CIB3: variants seen among roughly 807,000 people sequenced by gnomAD.
CIB3 encodes the protein calcium and integrin-binding family member 3.
Under a neutral mutation model 23.4 loss-of-function variants are expected in CIB3, and 22 were observed. The observed-to-expected ratio is 0.94, with a 90% confidence interval of 0.67 to 1.34. The LOEUF is 1.34. Among genes scored for constraint, CIB3 ranks in the 40% most tolerant of loss-of-function variants. The probability of loss-of-function intolerance (pLI) is 0.00; values close to 1 mark genes in which losing one functional copy is unlikely to be tolerated. For missense variants in CIB3, 258 were observed against 247.3 expected, an observed-to-expected ratio of 1.04 and a Z score of -0.29; for synonymous variants, 93 against 95.8, an observed-to-expected ratio of 0.97 and a Z score of 0.17.
intron 4 of CIB3, among the ~76,000 whole-genome samples, chr19:16,165,537 G>C (rs2091302780): frequency 6.6e-6 from 1 of 151,728 alleles, no homozygotes; most frequent in Non-Finnish European, 1.5e-5. Context: ...TCCACCTCCT[G>C]GGTTCAAGTG....
At chr19:16,163,132 C>T (rs2091292082) in intron 5 of CIB3, among the ~76,000 whole-genome samples, 2 of 152,090 alleles carry the variant, frequency 1.3e-5, no homozygotes, top group Non-Finnish European at 2.9e-5. Flanking sequence ...CCACTGCGCT[C>T]GGCCCCGTAG....
At position 16,161,486 on chromosome 19, in the gene CIB3, G is replaced by T. The variant is rs555397191; in HGVS notation, c.543C>A (p.Ser181Arg). 1 of 1,613,798 alleles carries T rather than the reference G, an allele frequency of 6.2e-7. No homozygotes were observed. The highest frequency in any genetic ancestry group is 1.7e-5 in the Admixed American group (1 of 59,954). ...GCCATCAGATTCGGATGTGGAAGGT[G>T]CTGTGTGCAGAGAGAAAAGGAGTCA... ...NMILRAPDFL[S>R]TFHIRI Residue 181 changes from serine (S) to arginine (R), a missense_variant and splice_region_variant, in exon 6 of 6, where the codon AGC becomes AGA. By Grantham distance (110) the Ser-to-Arg change is moderately radical (BLOSUM62 -1). Coordinates refer to ENST00000269878, the MANE Select transcript of CIB3 (RefSeq NM_054113.4).
At chr19:16,168,713 A>G (rs753221974) in intron 3 of CIB3, among the ~76,000 whole-genome samples, 7 of 152,190 alleles carry the variant, frequency 4.6e-5, no homozygotes, top group Non-Finnish European at 7.4e-5. Flanking sequence ...CAGCCTCAAG[A>G]GGTGAGGCTG....
intron 2 of CIB3, among the ~76,000 whole-genome samples, chr19:16,170,352 T>TA (rs1248880943): frequency 6.6e-6 from 1 of 151,900 alleles, no homozygotes; most frequent in Non-Finnish European, 1.5e-5. Flanking sequence ...GAAGCATGAG[T>TA]AGGAGCTTCT....
intron 3 of CIB3, 32 bp from the exon 4 acceptor site, chr19:16,168,316 C>T: frequency 6.2e-7 from 1 of 1,611,696 alleles, no homozygotes; most frequent in Non-Finnish European, 8.5e-7. Context: ...GGAGGCCATC[C>T]TCTGACCCCC....
chr19:16,163,555 A>AAAAC (rs951819792), intron 5 of CIB3, among the ~76,000 whole-genome samples: 5 of 152,190 alleles, frequency 3.3e-5, no homozygotes, highest in South Asian at 2.1e-4. Flanking sequence ...ACTCCGTCTC[A>AAAAC]AAACAAACAA....
intron 4 of CIB3, among the ~76,000 whole-genome samples, chr19:16,166,353 C>G (rs749772666): frequency 1.3e-5 from 2 of 152,168 alleles, no homozygotes; most frequent in Non-Finnish European, 2.9e-5. Context: ...AACACTGTGA[C>G]AGCTCTTTCA....
Position 16,169,641 on chromosome 19 carries a change from G to A in CIB3, c.187C>T (p.Pro63Ser), listed in dbSNP as rs1344270780. 1 of 1,613,136 alleles carries A rather than the reference G, an allele frequency of 6.2e-7. No homozygotes were observed. The highest frequency in any genetic ancestry group is 8.5e-7 in the Non-Finnish European group (1 of 1,179,422). ...TGGCCTGGGCATACCTTCAGCTCGG[G>A]CATGCTGCCAATGAGCTCGTAGGGC... ...KVPYELIGSMPELKDNPFRQR... is the reference protein window; with the variant it reads ...KVPYELIGSMSELKDNPFRQR... The change falls in exon 3 of 6, where the codon CCC (proline) becomes TCC (serine). Residue 63 changes from proline (P) to serine (S), a missense_variant. Pro to Ser is a moderately conservative substitution (Grantham distance 74, BLOSUM62 -1). Transcript: ENST00000269878.
chr19:16,166,771 A>C (rs1568337360), intron 4 of CIB3, among the ~76,000 whole-genome samples: 1 of 152,138 alleles, frequency 6.6e-6, no homozygotes, highest in Admixed American at 6.6e-5. Context: ...ACTATTTTTC[A>C]TGTACTCACT....
intron 2 of CIB3, among the ~76,000 whole-genome samples, chr19:16,170,490 T>C (rs2145085117): frequency 6.6e-6 from 1 of 152,296 alleles, no homozygotes; most frequent in African/African-American, 2.4e-5. Flanking sequence ...CCTCCAAAGA[T>C]ACCTTCACTT....
At chr19:16,173,021 AG>A in intron 2 of CIB3, 140 bp downstream of exon 2, 2 of 1,127,228 alleles carry the variant, frequency 1.8e-6, no homozygotes, top group African/African-American at 1.7e-5. Context: ...GAAAAGAGAA[AG>A]AAAGAAAGAA....
chr19:16,168,322 C>T, intron 3 of CIB3, 38 bp from the exon 4 acceptor site: 2 of 1,609,878 alleles, frequency 1.2e-6, no homozygotes, highest in Non-Finnish European at 1.7e-6. Flanking sequence ...CATCCTCTGA[C>T]CCCCAAGGTC....
Position 16,173,240 on chromosome 19 carries a change from G to A in CIB3, c.52-44C>T, listed in dbSNP as rs762708629. The A allele has an allele frequency of 3.7e-6, 6 of 1,613,458 alleles. No individual in the cohort carries two copies. In the Admixed American group the frequency reaches 1.0e-4, roughly 27 times the overall value. ...TCTTAACCCGAACCCTGCCTCTGGG[G>A]CCTCCTCCCACGGCCTCCTCCCTCC... On this transcript the variant is annotated intron_variant, in intron 1 of 5. Transcript: ENST00000269878.
chr19:16,166,906 C>G (rs1312790955), intron 4 of CIB3, among the ~76,000 whole-genome samples: 1 of 151,658 alleles, frequency 6.6e-6, no homozygotes, highest in East Asian at 1.9e-4. Flanking sequence ...ATGGTGAAAC[C>G]CCATCTTTAC....
chr19:16,161,751 C>A (rs1175675024), intron 5 of CIB3, among the ~76,000 whole-genome samples: 2 of 135,304 alleles, frequency 1.5e-5, no homozygotes, highest in South Asian at 4.7e-4. Flanking sequence ...GATCTTGGCT[C>A]ACTGCAACCT....
chr19:16,161,988 T>C (rs1037343505), intron 5 of CIB3, among the ~76,000 whole-genome samples: 6 of 151,878 alleles, frequency 4.0e-5, no homozygotes, highest in African/African-American at 1.5e-4. Context: ...TCCTGCCATA[T>C]GATATAAAGT....
intron 4 of CIB3, among the ~76,000 whole-genome samples, chr19:16,165,146 AC>A (rs1419761170): frequency 6.6e-6 from 1 of 151,722 alleles, no homozygotes. Flanking sequence ...ATACAAAAAT[AC>A]CCAGGTGTGG....
chr19:16,162,964 A>G (rs2091291125), intron 5 of CIB3, among the ~76,000 whole-genome samples: 2 of 142,088 alleles, frequency 1.4e-5, no homozygotes, highest in Admixed American at 1.5e-4. Flanking sequence ...CTCACTGCAA[A>G]CCTCCACCTC....
At chr19:16,164,567 T>C in intron 5 of CIB3, 151 bp downstream of exon 5, 2 of 736,438 alleles carry the variant, frequency 2.7e-6, no homozygotes, top group Non-Finnish European at 4.4e-6. Flanking sequence ...ATTTTACAGA[T>C]GCAGGGACTG....
Sources: gnomAD v4.1 joint callset for allele counts (sites outside exome capture counted in the v4.1 genomes callset) on GRCh38, gnomAD v4.1.1 for gene constraint, MANE v1.5 for transcripts, NCBI Gene and HGNC (gene_info 2026-07-23, HGNC 2026-07-21) for gene names.